Variants in TRIM67 observed in about 807,000 individuals in gnomAD.
TRIM67 encodes tripartite motif containing 67.
In TRIM67, 39 loss-of-function variants were observed where a neutral mutation model predicts 71.0. That is an observed-to-expected ratio of 0.55 (90% CI 0.43 to 0.72). The LOEUF (loss-of-function observed/expected upper bound fraction) is 0.72. TRIM67 is among the 30% of genes least tolerant of loss of function. The pLI, the probability that TRIM67 is intolerant of heterozygous loss-of-function variation, is 0.00. For missense variants in TRIM67, 973 were observed against 1,079.2 expected (o/e 0.90, Z 1.38); for synonymous variants, 481 against 473.9 (o/e 1.01, Z -0.19).
In TRIM67 at chr1:231,211,048, A is replaced by T. The variant is rs148446756; in HGVS notation, c.2123+1798A>T. On this transcript the variant is annotated intron_variant, in intron 8 of 9. Coordinates refer to ENST00000366653, the MANE Select transcript of TRIM67 (RefSeq NM_001004342.5). ...AAAAAAAAAATATATATATATATAT[A>T]TATTTTGTTTGTTTGTTTAATATAT... Among the ~76,000 whole-genome samples, 363 of 131,496 alleles carry T rather than the reference A, an allele frequency of 2.8e-3. 1 individual carries two copies. The highest frequency in any genetic ancestry group is 9.3e-3 in the African/African-American group (300 of 32,132). 86.3% of individuals were successfully genotyped at this position (131,496 alleles called of 152,430 possible).
chr1:231,202,150 T>TAGTAG (rs1683558556), intron 5 of TRIM67, among the ~76,000 whole-genome samples: 1 of 12,938 alleles, frequency 7.7e-5, no homozygotes, highest in Non-Finnish European at 1.7e-4. Context: ...GAGGAAGAGG[T>TAGTAG]AGCGGAGGAG....
chr1:231,182,749 G>A (rs1448538724), intron 1 of TRIM67, among the ~76,000 whole-genome samples: 1 of 152,186 alleles, frequency 6.6e-6, no homozygotes, highest in African/African-American at 2.4e-5. Flanking sequence ...AGTCCAAGGG[G>A]AGGCATGGAT....
chr1:231,166,498 C>T (rs1330681212), intron 1 of TRIM67, among the ~76,000 whole-genome samples: 1 of 152,102 alleles, frequency 6.6e-6, no homozygotes, highest in African/African-American at 2.4e-5. Context: ...TTAAGACTCC[C>T]ACTGTTGGCA....
At position 231,208,953 on chromosome 1, in the gene TRIM67, G is replaced by C. The variant is rs764180732; in HGVS notation, c.1826G>C (p.Trp609Ser). 7.0e-6 allele frequency: 11 copies of C among 1,577,006 alleles called. No individual in the cohort carries two copies. The highest frequency in any genetic ancestry group is 8.7e-6 in the Non-Finnish European group (10 of 1,155,492). The part of the protein sequence containing the change: ...TVVLQTSDVA[W>S]FTFDPNSGHR... ...TCACCTCCTCCCTTTTTAGTGGCCTGGTTCACATTTGACCCCAACTCTGGG... is the reference window on the plus strand; with the variant it reads ...TCACCTCCTCCCTTTTTAGTGGCCTCGTTCACATTTGACCCCAACTCTGGG... Residue 609 changes from tryptophan (W) to serine (S), a missense_variant, in exon 8 of 10, where the codon TGG (tryptophan) becomes TCG (serine). Physicochemically the swap from Trp to Ser is radical, Grantham distance 177. Around this residue, in one of 2 missense-constraint regions of TRIM67, gnomAD observed 178 missense variants for 247.9 expected, o/e 0.72. Transcript: ENST00000366653.
At position 231,218,791 on chromosome 1, in the gene TRIM67, G is replaced by A. The variant is rs543856700; in HGVS notation, c.*3351G>A. 15 of 985,410 alleles carry A rather than the reference G, an allele frequency of 1.5e-5. No individual in the cohort carries two copies. The highest frequency in any genetic ancestry group is 6.1e-5 in the Admixed American group (1 of 16,284). The allele number at this position is 985,410 out of a possible 1,614,324, so 61.0% of individuals were successfully genotyped here. ...AAGTTTGAGGAGGGTGGTGCTTTCC[G>A]GATTGAGCCTGGGCAGGCTCTGTGG... On this transcript the variant is annotated 3_prime_UTR_variant, in exon 10 of 10. Transcript: ENST00000366653.
At chr1:231,204,650 C>T (rs59067186) in intron 6 of TRIM67, among the ~76,000 whole-genome samples, 11,159 of 152,200 alleles carry the variant, frequency 0.073, 636 homozygotes, top group East Asian at 0.21. Context: ...GACGTTCAGG[C>T]GGACATGAAT....
chr1:231,185,171 C>A (rs983938752), intron 1 of TRIM67: 23 of 1,532,852 alleles, frequency 1.5e-5, no homozygotes, highest in Admixed American at 7.8e-5. Context: ...AGCCTGTACT[C>A]CACGGCGTCC....
chr1:231,195,410 A>G (rs1485219752), intron 1 of TRIM67, among the ~76,000 whole-genome samples: 1 of 152,158 alleles, frequency 6.6e-6, no homozygotes, highest in Non-Finnish European at 1.5e-5. Flanking sequence ...CCATCACTGT[A>G]TATTCTATGG....
intron 1 of TRIM67, chr1:231,186,204 G>A: frequency 6.6e-7 from 1 of 1,505,380 alleles, no homozygotes; most frequent in Non-Finnish European, 8.9e-7. Context: ...GAACTCTTGA[G>A]CCCAAAGGGC....
Position 231,220,166 on chromosome 1 carries a change from G to T in TRIM67, c.*4726G>T, listed in dbSNP as rs11586657. 60,092 of 380,802 alleles carry T rather than the reference G, an allele frequency of 0.16. 5,277 individuals are homozygous for T. The highest frequency in any genetic ancestry group is 0.27 in the East Asian group (3,699 of 13,580). 23.6% of individuals were successfully genotyped at this position (380,802 alleles called of 1,614,324 possible). On this transcript the variant is annotated 3_prime_UTR_variant, in exon 10 of 10. Coordinates refer to ENST00000366653, the MANE Select transcript of TRIM67 (RefSeq NM_001004342.5). The stretch of plus-strand genomic sequence containing the variant: ...TTCCCATTCAGTGACTCAAACCTGT[G>T]GGGGGCGTTCCAGTGTTCTCTGACC...
intron 1 of TRIM67, chr1:231,186,141 T>C (rs1369029304): frequency 6.5e-7 from 1 of 1,533,094 alleles, no homozygotes; most frequent in African/African-American, 1.4e-5. Context: ...GATGAAGGGC[T>C]TGACAGCCAG....
At chr1:231,191,918 C>A (rs1340906098) in intron 1 of TRIM67, among the ~76,000 whole-genome samples, 3 of 152,078 alleles carry the variant, frequency 2.0e-5, no homozygotes, top group African/African-American at 4.8e-5. Context: ...ATGCTGCCTA[C>A]CTTGTGGCAC....
rs1035514298 is a variant in TRIM67 at position 231,218,893 on chromosome 1, C to T, written c.*3453C>T. ...TCTCCCTCTTGGTGCCCCTGCCCTC[C>T]GCCCCACCACAGCACTCTCAGGAAA... On this transcript the variant is annotated 3_prime_UTR_variant, in exon 10 of 10. Transcript: ENST00000366653. The T allele has an allele frequency of 5.1e-6, 5 of 985,424 alleles. No individual in the cohort carries two copies. In the African/African-American group the frequency reaches 5.2e-5, roughly 10 times the overall value. The allele number at this position is 985,424 out of a possible 1,614,324, so 61.0% of individuals were successfully genotyped here.
chr1:231,171,945 A>G (rs1182607319), intron 1 of TRIM67, among the ~76,000 whole-genome samples: 1 of 152,128 alleles, frequency 6.6e-6, no homozygotes, highest in Non-Finnish European at 1.5e-5. Context: ...AAATAAAAGC[A>G]TTTAGCCAAG....
intron 1 of TRIM67, among the ~76,000 whole-genome samples, chr1:231,180,129 CT>C (rs1302440807): frequency 6.6e-6 from 1 of 152,114 alleles, no homozygotes; most frequent in Non-Finnish European, 1.5e-5. Flanking sequence ...AAGAGCTTTG[CT>C]TTCCACTGAA....
rs12070949 is a variant in TRIM67, at chr1:231,206,863, T to C, written c.1819+73T>C. On this transcript the variant is annotated intron_variant, in intron 7 of 9. Transcript: ENST00000366653. ...CCAGTGACAACCAGACAGCCACTTG[T>C]GGCAGCTATGATGATGGGGTAGGGG... 2.9e-3 allele frequency: 4,197 copies of C among 1,454,656 alleles called. 103 individuals are homozygous for C. In the African/African-American group the frequency reaches 0.053, roughly 18 times the overall value. 90.1% of individuals were successfully genotyped at this position (1,454,656 alleles called of 1,614,324 possible).
intron 1 of TRIM67, among the ~76,000 whole-genome samples, chr1:231,168,742 A>T (rs1682543982): frequency 6.6e-6 from 1 of 152,232 alleles, no homozygotes; most frequent in Admixed American, 6.5e-5. Flanking sequence ...TCAACAATTG[A>T]TTTAACATGT....
Position 231,187,521 on chromosome 1 carries a change from G to A in TRIM67, c.1045-9850G>A, listed in dbSNP as rs540512601. 4.2e-5 allele frequency: 65 copies of A among 1,531,218 alleles called. No homozygotes were observed. In the African/African-American group the frequency reaches 7.8e-4, roughly 18 times the overall value. The allele number at this position is 1,531,218 out of a possible 1,614,324, so 94.9% of individuals were successfully genotyped here. A position where few individuals can be genotyped will look rare whatever the true frequency, so the allele number is the denominator to read the frequency against. On this transcript the variant is annotated intron_variant, in intron 1 of 9. Coordinates refer to ENST00000366653, the MANE Select transcript of TRIM67 (RefSeq NM_001004342.5). ...GTTAAAAAAAAAAAACAATACCTTA[G>A]CACTGAGGGGCAGATAAAAAGGTGA...
intron 3 of TRIM67, among the ~76,000 whole-genome samples, 190 bp from the exon 4 acceptor site, chr1:231,199,958 G>A (rs918999370): frequency 5.3e-5 from 8 of 152,178 alleles, no homozygotes; most frequent in African/African-American, 1.9e-4. Context: ...TAGGAAGTGA[G>A]TCCACTTATT....
Sources: allele counts gnomAD v4.1 joint callset (sites outside exome capture counted in the v4.1 genomes callset), GRCh38; gene constraint gnomAD v4.1.1; regional missense constraint gnomAD v4.1.1; transcripts MANE v1.5; gene names NCBI Gene and HGNC (gene_info 2026-07-23, HGNC 2026-07-21).